Variants in NUBPL observed in about 807,000 individuals in gnomAD.
NUBPL encodes NUBP iron-sulfur cluster assembly factor, mitochondrial.
Under a neutral mutation model 45.7 loss-of-function variants are expected in NUBPL, and 31 were observed. That is an observed-to-expected ratio of 0.68 (90% CI 0.51 to 0.92). NUBPL has a LOEUF of 0.92. Among genes scored for constraint, NUBPL ranks in the 40% least tolerant of loss-of-function variants. NUBPL has a pLI of 0.00. For synonymous variants in NUBPL, 144 were observed against 140.9 expected (o/e 1.02, Z -0.15); for missense variants, 401 against 398.7 (o/e 1.01, Z -0.05).
intron 8 of NUBPL, among the ~76,000 whole-genome samples, chr14:31,833,277 G>A (rs761924376): frequency 3.3e-5 from 5 of 152,222 alleles, no homozygotes; most frequent in East Asian, 1.9e-4. Flanking sequence ...GCTGAGGTGG[G>A]AGGATCGCTT....
intron 6 of NUBPL, among the ~76,000 whole-genome samples, chr14:31,687,269 C>T (rs1024829261): frequency 6.6e-6 from 1 of 152,116 alleles, no homozygotes; most frequent in Admixed American, 6.5e-5. Flanking sequence ...CTTGAAAAAA[C>T]TTGCAGATGA....
intron 4 of NUBPL, among the ~76,000 whole-genome samples, chr14:31,616,902 T>C (rs2034917209): frequency 6.6e-6 from 1 of 152,180 alleles, no homozygotes; most frequent in South Asian, 2.1e-4. Context: ...TTCCTATCCA[T>C]GAGCATGGAA....
intron 6 of NUBPL, among the ~76,000 whole-genome samples, chr14:31,764,228 T>C (rs770726923): frequency 2.6e-5 from 4 of 152,180 alleles, no homozygotes; most frequent in Non-Finnish European, 4.4e-5. Flanking sequence ...TATAGGTCTT[T>C]GTCATAATTT....
chr14:31,639,276 C>T (rs1326648966), intron 4 of NUBPL, among the ~76,000 whole-genome samples: 1 of 152,132 alleles, frequency 6.6e-6, no homozygotes, highest in Non-Finnish European at 1.5e-5. Context: ...TGCGGATGTC[C>T]TTTCTGTTAG....
At chr14:31,661,776 G>A (rs1470169799) in intron 4 of NUBPL, among the ~76,000 whole-genome samples, 2 of 152,088 alleles carry the variant, frequency 1.3e-5, no homozygotes, top group African/African-American at 4.8e-5. Flanking sequence ...TCCTGACCTC[G>A]TGATCCACCT....
At chr14:31,600,697 G>C (rs990161321) in intron 4 of NUBPL, among the ~76,000 whole-genome samples, 4 of 151,964 alleles carry the variant, frequency 2.6e-5, no homozygotes, top group Non-Finnish European at 5.9e-5. Flanking sequence ...CTCCCATTTT[G>C]TAGGTTGCCT....
At chr14:31,699,614 T>C (rs1363150581) in intron 6 of NUBPL, among the ~76,000 whole-genome samples, 1 of 152,210 alleles carries the variant, frequency 6.6e-6, no homozygotes, top group Non-Finnish European at 1.5e-5. Flanking sequence ...TTGAAAACAC[T>C]CTTTTTAATG....
chr14:31,609,253 A>G (rs1346371659), intron 4 of NUBPL, among the ~76,000 whole-genome samples: 1 of 152,196 alleles, frequency 6.6e-6, no homozygotes, highest in African/African-American at 2.4e-5. Flanking sequence ...AACAGAAACC[A>G]AAAAAGAGCA....
intron 4 of NUBPL, among the ~76,000 whole-genome samples, chr14:31,646,352 A>G (rs1477188281): frequency 2.0e-5 from 3 of 151,854 alleles, no homozygotes; most frequent in Admixed American, 2.0e-4. Flanking sequence ...ACGCCTGGCT[A>G]ATTTTTGTAT....
chr14:31,786,395 T>A (rs939907675), intron 6 of NUBPL, among the ~76,000 whole-genome samples: 2 of 152,224 alleles, frequency 1.3e-5, no homozygotes, highest in African/African-American at 4.8e-5. Context: ...AAATGAATGA[T>A]AACCTTCTCT....
chr14:31,622,381 G>A (rs967800968), intron 4 of NUBPL, among the ~76,000 whole-genome samples: 8 of 152,108 alleles, frequency 5.3e-5, no homozygotes, highest in Admixed American at 1.3e-4. Context: ...TTTGGGGGGA[G>A]AAATTCAAGC....
At chr14:31,665,282 T>C (rs1258725181) in intron 4 of NUBPL, among the ~76,000 whole-genome samples, 1 of 152,206 alleles carries the variant, frequency 6.6e-6, no homozygotes, top group Non-Finnish European at 1.5e-5. Flanking sequence ...ATTTGTTTGC[T>C]CTTGCTTCTC....
chr14:31,664,160 A>G (rs1159779365), intron 4 of NUBPL, among the ~76,000 whole-genome samples: 3 of 152,144 alleles, frequency 2.0e-5, no homozygotes, highest in Non-Finnish European at 4.4e-5. Flanking sequence ...GGGTTTTTTA[A>G]ATAAACAATC....
intron 6 of NUBPL, among the ~76,000 whole-genome samples, chr14:31,687,289 C>T (rs1463646497): frequency 6.6e-6 from 1 of 152,080 alleles, no homozygotes; most frequent in Non-Finnish European, 1.5e-5. Flanking sequence ...AACCATGTAT[C>T]TTAGAAATAT....
intron 4 of NUBPL, among the ~76,000 whole-genome samples, chr14:31,670,755 C>T (rs2036551767): frequency 6.6e-6 from 1 of 152,154 alleles, no homozygotes; most frequent in Admixed American, 6.5e-5. Context: ...TTGTTTTTGT[C>T]AGCTTTATTG....
At position 31,701,495 on chromosome 14, in the gene NUBPL, G is replaced by A. The variant is rs181809022; in HGVS notation, c.513+27921G>A. ...CTTGGGTCCCCTTCCGCATGTGGAA[G>A]CTTTGTTCTTTCGCTCTTCGCAATA... On this transcript the variant is annotated intron_variant, in intron 6 of 10. Coordinates refer to ENST00000281081, the MANE Select transcript of NUBPL (RefSeq NM_025152.3). 2.2e-3 allele frequency among the ~76,000 whole-genome samples: 342 copies of A among 152,368 alleles called. 3 individuals carry two copies. Among genetic ancestry groups the A allele is most frequent in the African/African-American group, 7.6e-3 (317 of 41,594 alleles).
intron 4 of NUBPL, among the ~76,000 whole-genome samples, chr14:31,636,823 G>C (rs994286611): frequency 6.6e-6 from 1 of 152,162 alleles, no homozygotes; most frequent in African/African-American, 2.4e-5. Flanking sequence ...TCTTGGGAGA[G>C]TGTATGTGTC....
In NUBPL at chr14:31,854,991, A is replaced by C. The variant is rs892718597; in HGVS notation, c.898-4127A>C. 4.3e-4 allele frequency among the ~76,000 whole-genome samples: 65 copies of C among 152,214 alleles called. 3 individuals are homozygous for C. The highest frequency in any genetic ancestry group is 1.5e-5 in the Non-Finnish European group (1 of 68,038). On this transcript the variant is annotated intron_variant, in intron 10 of 10. Coordinates refer to ENST00000281081, the MANE Select transcript of NUBPL (RefSeq NM_025152.3). ...TTTGAATGTGATATATTAGAAGTCA[A>C]AGTTTGGAGATAGTCCATTAAAAAG...
intron 4 of NUBPL, among the ~76,000 whole-genome samples, chr14:31,600,056 G>A (rs569642026): frequency 2.7e-4 from 41 of 151,536 alleles, no homozygotes; most frequent in African/African-American, 9.2e-4. Flanking sequence ...CAAGTAGCTG[G>A]GACTACAGGT....
Sources: gnomAD v4.1 joint callset for allele counts (sites outside exome capture counted in the v4.1 genomes callset) on GRCh38, gnomAD v4.1.1 for gene constraint, MANE v1.5 for transcripts, NCBI Gene and HGNC (gene_info 2026-07-23, HGNC 2026-07-21) for gene names.